The following ARHGAP5 variants were observed in gnomAD, a reference collection of about 807,000 sequenced individuals.
ARHGAP5 encodes Rho GTPase activating protein 5.
ARHGAP5 carries 23 observed loss-of-function variants against 116.6 expected under a neutral mutation model. The ratio of observed to expected loss-of-function variants is 0.20; its 90% confidence interval spans 0.14 to 0.28. The LOEUF is 0.28. Ranked by LOEUF, ARHGAP5 falls within the 10% of genes least tolerant of loss-of-function variation. The pLI is 1.00. For synonymous variants in ARHGAP5, 574 were observed against 602.0 expected (o/e 0.95, Z 0.68); for missense variants, 1,405 against 1,774.8 (o/e 0.79, Z 3.74).
intron 2 of ARHGAP5, among the ~76,000 whole-genome samples, chr14:32,114,444 C>T (rs536985130): frequency 6.6e-6 from 1 of 152,330 alleles, no homozygotes; most frequent in South Asian, 2.1e-4. Context: ...ATTTCCACTT[C>T]CTTGCACGTT....
In ARHGAP5 at chr14:32,090,854, T is replaced by A. The variant is rs766471680; in HGVS notation, c.185T>A (p.Phe62Tyr). Reference sequence around the variant, plus strand: ...ACTTCTGTGCTTAGCACCATTGACTTTGGAGGACGAGTAGTAAACAATGAT... The same window carrying A: ...ACTTCTGTGCTTAGCACCATTGACTATGGAGGACGAGTAGTAAACAATGAT... ...EHTSVLSTID[F>Y]GGRVVNNDHF... The change falls in exon 2 of 7, where the codon TTT (phenylalanine) becomes TAT (tyrosine). Residue 62 changes from phenylalanine to tyrosine, a missense_variant. This residue lies in a region of ARHGAP5 where 190 missense variants were observed against 314.9 expected (regional missense o/e 0.60). Coordinates refer to ENST00000345122, the MANE Select transcript of ARHGAP5 (RefSeq NM_001030055.2). 3.7e-6 allele frequency: 6 copies of A among 1,613,604 alleles called. No homozygotes were observed. Among genetic ancestry groups the A allele is most frequent in the Non-Finnish European group, 5.1e-6 (6 of 1,179,622 alleles).
At chr14:32,101,414 G>A (rs1473582945) in intron 2 of ARHGAP5, among the ~76,000 whole-genome samples, 3 of 152,116 alleles carry the variant, frequency 2.0e-5, no homozygotes, top group Non-Finnish European at 4.4e-5. Context: ...GTTTAGCATT[G>A]ACTTCTGATT....
intron 3 of ARHGAP5, among the ~76,000 whole-genome samples, chr14:32,139,417 T>C (rs1438478328): frequency 6.6e-6 from 1 of 152,162 alleles, no homozygotes; most frequent in African/African-American, 2.4e-5. Flanking sequence ...ATTTTCTGTT[T>C]CTTCTTGAAT....
intron 1 of ARHGAP5, among the ~76,000 whole-genome samples, chr14:32,083,423 C>T (rs1451055979): frequency 6.6e-6 from 1 of 152,234 alleles, no homozygotes; most frequent in African/African-American, 2.4e-5. Flanking sequence ...AGACACTGTG[C>T]AGCATGCAAA....
At chr14:32,120,413 TCTA>T (rs1467484740) in intron 3 of ARHGAP5, among the ~76,000 whole-genome samples, 1 of 151,856 alleles carries the variant, frequency 6.6e-6, no homozygotes, top group African/African-American at 2.4e-5. Context: ...TTTATTGAAT[TCTA>T]CTTGTTTCTT....
At chr14:32,126,505 C>T (rs759603911) in intron 3 of ARHGAP5, among the ~76,000 whole-genome samples, 1 of 152,180 alleles carries the variant, frequency 6.6e-6, no homozygotes, top group Non-Finnish European at 1.5e-5. Context: ...CCTCACCCTA[C>T]TCCAATAATG....
At chr14:32,140,467 G>C (rs2139127102) in intron 3 of ARHGAP5, among the ~76,000 whole-genome samples, 1 of 152,038 alleles carries the variant, frequency 6.6e-6, no homozygotes, top group South Asian at 2.1e-4. Flanking sequence ...GGCGCATGCT[G>C]TAGTCCTAAC....
rs1449185954 is a variant in ARHGAP5, at chr14:32,093,762, A to G, written c.3093A>G (p.Glu1031=). ...IHSTPNCHDH[E]RNHKVPPPIK... is the part of the protein sequence containing the mutation. ...GTACCCCAAACTGTCATGACCATGAACGCAACCATAAAGTGCCTCCACCTA... is the reference window on the plus strand; with the variant it reads ...GTACCCCAAACTGTCATGACCATGAGCGCAACCATAAAGTGCCTCCACCTA... The change falls in exon 2 of 7, where the codon GAA becomes GAG. Residue 1031 remains glutamate, a synonymous_variant. Coordinates refer to ENST00000345122, the MANE Select transcript of ARHGAP5 (RefSeq NM_001030055.2). 1.2e-6 allele frequency: 2 copies of G among 1,614,144 alleles called. No individual in the cohort carries two copies. Among genetic ancestry groups the G allele is most frequent in the Middle Eastern group, 1.6e-4 (1 of 6,062 alleles).
At position 32,091,922 on chromosome 14, in the gene ARHGAP5, T is replaced by C. The variant is rs1335379628; in HGVS notation, c.1253T>C (p.Val418Ala). 2.5e-6 allele frequency: 4 copies of C among 1,613,684 alleles called. No homozygotes were observed. Among genetic ancestry groups the C allele is most frequent in the Non-Finnish European group, 3.4e-6 (4 of 1,179,680 alleles). Residue 418 changes from valine (V) to alanine (A), a missense_variant, in exon 2 of 7, where the codon GTA (valine) becomes GCA (alanine). This residue lies in a region of ARHGAP5 where 944 missense variants were observed against 1,095.3 expected (regional missense o/e 0.86). Transcript: ENST00000345122. ...LEAEKVYQNHVQHLISEKRRV... is the reference protein window; with the variant it reads ...LEAEKVYQNHAQHLISEKRRV... Reference sequence around the variant, plus strand: ...GCTGAAAAAGTCTATCAGAACCATGTACAGCATCTGATATCCGAGAAGAGG... The same window carrying C: ...GCTGAAAAAGTCTATCAGAACCATGCACAGCATCTGATATCCGAGAAGAGG...
chr14:32,134,090 C>T (rs545957294), intron 3 of ARHGAP5, among the ~76,000 whole-genome samples: 6 of 152,170 alleles, frequency 3.9e-5, no homozygotes, highest in East Asian at 3.9e-4. Context: ...ACTGGCAAAC[C>T]GAATCCAGCA....
At chr14:32,153,406 CAAAAAAAAAAAAAAAAAAAAAAAA>C (rs771660350) in intron 6 of ARHGAP5, among the ~76,000 whole-genome samples, 9 of 15,144 alleles carry the variant, frequency 5.9e-4, no homozygotes, top group African/African-American at 9.7e-4. Context: ...GACTCTGTCT[CAAAAAAAAAAAAAAAAAAAAAAAA>C]AAAAAAAAAA....
chr14:32,130,263 G>GT (rs1410900387), intron 3 of ARHGAP5, among the ~76,000 whole-genome samples: 1 of 146,510 alleles, frequency 6.8e-6, no homozygotes, highest in African/African-American at 2.5e-5. Flanking sequence ...CCAGGCTGGA[G>GT]TGTAGTGGTG....
Position 32,152,472 on chromosome 14 carries a change from G to A in ARHGAP5, c.4125G>A (p.Lys1375=). ...TTCATGCCTTGAAAGAAATTGTTAA[G>A]AAATTTCATCCTGTAAACTATGATG... is the stretch of plus-strand genomic sequence containing the variant. ...ERLHALKEIV[K]KFHPVNYDVF... The change falls in exon 6 of 7, where the codon AAG becomes AAA. Residue 1375 remains lysine (K), a synonymous_variant. Transcript: ENST00000345122. 1 of 1,606,490 alleles carries A rather than the reference G, an allele frequency of 6.2e-7. No individual in the cohort carries two copies. Among genetic ancestry groups the A allele is most frequent in the Non-Finnish European group, 8.5e-7 (1 of 1,177,596 alleles).
In ARHGAP5 at chr14:32,090,977, C is replaced by A; in HGVS notation, c.308C>A (p.Thr103Asn). The change falls in exon 2 of 7, where the codon ACT becomes AAT. Residue 103 changes from threonine (T) to asparagine (N), a missense_variant. Transcript: ENST00000345122. The part of the protein sequence containing the change: ...IEQTEFIDDQ[T>N]FLPHRSTNLQ... ...CAAACAGAGTTCATTGATGACCAGA[C>A]TTTCTTGCCTCATCGGAGTACGAAT... 6.2e-7 allele frequency: 1 copy of A among 1,613,658 alleles called. No homozygotes were observed. The highest frequency in any genetic ancestry group is 8.5e-7 in the Non-Finnish European group (1 of 1,179,664).
rs1881832377 is a variant in ARHGAP5, at chr14:32,155,027, C to G, written c.*79C>G. 2.5e-6 allele frequency: 3 copies of G among 1,211,316 alleles called. No homozygotes were observed. The highest frequency in any genetic ancestry group is 2.9e-5 in the South Asian group (2 of 69,694). 75.0% of individuals were successfully genotyped at this position (1,211,316 alleles called of 1,614,324 possible). ...GCATGTTTCAGGGTTCAGTAGTATACTTCATGTTTCATACAGATAATTCAC... is the reference window on the plus strand; with the variant it reads ...GCATGTTTCAGGGTTCAGTAGTATAGTTCATGTTTCATACAGATAATTCAC... On this transcript the variant is annotated 3_prime_UTR_variant, in exon 7 of 7. Coordinates refer to ENST00000345122, the MANE Select transcript of ARHGAP5 (RefSeq NM_001030055.2).
chr14:32,103,416 A>G (rs112119591), intron 2 of ARHGAP5, among the ~76,000 whole-genome samples: 1,562 of 152,296 alleles, frequency 0.01, 28 homozygotes, highest in African/African-American at 0.036. Flanking sequence ...ATTTTCGCTA[A>G]TTTAAATTTG....
intron 1 of ARHGAP5, among the ~76,000 whole-genome samples, chr14:32,079,484 C>T (rs1484024841): frequency 6.6e-6 from 1 of 152,124 alleles, no homozygotes; most frequent in Non-Finnish European, 1.5e-5. Context: ...ACCGTCTCCC[C>T]TTCTTATTTG....
intron 1 of ARHGAP5, chr14:32,078,230 C>T (rs562163308): frequency 1.4e-4 from 22 of 152,374 alleles, no homozygotes; most frequent in African/African-American, 4.3e-4. Flanking sequence ...CCTCCCTCTT[C>T]AGCGTTATTA....
At chr14:32,109,572 C>T (rs941622903) in intron 2 of ARHGAP5, among the ~76,000 whole-genome samples, 1 of 151,950 alleles carries the variant, frequency 6.6e-6, no homozygotes, top group Non-Finnish European at 1.5e-5. Context: ...TATTAATAGC[C>T]ATACCACTGT....
Sources: allele counts gnomAD v4.1 joint callset (sites outside exome capture counted in the v4.1 genomes callset), GRCh38; gene constraint gnomAD v4.1.1; regional missense constraint gnomAD v4.1.1; transcripts MANE v1.5; gene names NCBI Gene and HGNC (gene_info 2026-07-23, HGNC 2026-07-21).